Variants in SYTL1 observed in about 807,000 individuals in gnomAD.
SYTL1 encodes synaptotagmin like 1, also known as synaptotagmin-like protein 1.
SYTL1 carries 53 observed loss-of-function variants against 74.6 expected under a neutral mutation model. The ratio of observed to expected loss-of-function variants is 0.71; its 90% CI spans 0.57 to 0.89. The LOEUF (loss-of-function observed/expected upper bound fraction) is 0.89. Among genes scored for constraint, SYTL1 ranks in the 40% least tolerant of loss-of-function variants. SYTL1 has a pLI of 0.00. For missense variants in SYTL1, 728 were observed against 768.7 expected, an observed-to-expected ratio of 0.95 and a Z score of 0.63; for synonymous variants, 329 against 324.9, an observed-to-expected ratio of 1.01 and a Z score of -0.14.
rs771836299 is a variant in SYTL1, at chr1:27,347,120, C to G, written c.192-301C>G. ...CTGGGCATAGAGGGAGACTCCATCT[C>G]AAAATAATTAAGTAAATAAATAAAT... On this transcript the variant is annotated intron_variant, in intron 2 of 14. Coordinates refer to ENST00000616558, the MANE Select transcript of SYTL1 (RefSeq NM_001193308.2). The surrounding 1 kb of genome is among the most constrained non-coding windows in gnomAD (Gnocchi z 4.9). Among the ~76,000 whole-genome samples, 30 of 152,160 alleles carry G rather than the reference C, an allele frequency of 2.0e-4. No homozygotes were observed. Among genetic ancestry groups the G allele is most frequent in the Non-Finnish European group, 3.8e-4 (26 of 68,020 alleles).
At chr1:27,346,354 A>C (rs765986695) in intron 2 of SYTL1, among the ~76,000 whole-genome samples, 1 of 152,310 alleles carries the variant, frequency 6.6e-6, no homozygotes, top group East Asian at 1.9e-4. Flanking sequence ...GGGCGTTACA[A>C]GCAATGTTTG....
At chr1:27,346,876 G>C (rs2015023927) in intron 2 of SYTL1, among the ~76,000 whole-genome samples, 1 of 152,138 alleles carries the variant, frequency 6.6e-6, no homozygotes, top group Admixed American at 6.6e-5. Flanking sequence ...ACAACATTGT[G>C]GGAGGCTGAG....
intron 1 of SYTL1, among the ~76,000 whole-genome samples, chr1:27,344,350 G>T (rs959559446): frequency 1.3e-5 from 2 of 151,722 alleles, no homozygotes; most frequent in African/African-American, 4.8e-5. Flanking sequence ...TGATCTGCCC[G>T]CCTTGGCATC....
rs763243819 is a variant in SYTL1, at chr1:27,351,856, T to C, written c.1343+301T>C. 9.3e-6 allele frequency: 3 copies of C among 322,430 alleles called. No homozygotes were observed. The highest frequency in any genetic ancestry group is 2.2e-5 in the African/African-American group (1 of 46,172). The allele number at this position is 322,430 out of a possible 1,614,324, so 20.0% of individuals were successfully genotyped here. A position where few individuals can be genotyped will look rare whatever the true frequency, so the allele number is the denominator to read the frequency against. ...GCTGTGGGGCTTGGCTGGGAACTTA[T>C]AGTTCAGTGTAAGCTTCTAGGGGAC... On this transcript the variant is annotated intron_variant, in intron 13 of 14. Transcript: ENST00000616558. The surrounding 1 kb of genome is among the most constrained non-coding windows in gnomAD (Gnocchi z 5.0).
Position 27,347,455 on chromosome 1 carries a change from C to T in SYTL1, c.226C>T (p.Leu76=). 6.2e-7 allele frequency: 1 copy of T among 1,614,104 alleles called. No homozygotes were observed. Among genetic ancestry groups the T allele is most frequent in the Admixed American group, 1.7e-5 (1 of 60,034 alleles). ...GGCCTCAGTGGCAGACCCTGGGCAG[C>T]TGAAGATCCTGACAGGGGACTGGTT... is the stretch of plus-strand genomic sequence containing the variant. ...LRASVADPGQ[L]KILTGDWFQE... is the part of the protein sequence containing the mutation. The change falls in exon 3 of 15, where the codon CTG becomes TTG. Residue 76 remains leucine, a synonymous_variant. Coordinates refer to ENST00000616558, the MANE Select transcript of SYTL1 (RefSeq NM_001193308.2). The surrounding 1 kb of genome is among the most constrained non-coding windows in gnomAD (Gnocchi z 4.9).
intron 2 of SYTL1, among the ~76,000 whole-genome samples, chr1:27,346,209 A>G (rs1002518939): frequency 5.3e-5 from 8 of 152,026 alleles, no homozygotes; most frequent in African/African-American, 1.9e-4. Flanking sequence ...CTCTTTCACC[A>G]TAACTCCGAC....
At position 27,342,571 on chromosome 1, in the gene SYTL1, AG is replaced by A. The variant is rs1342726193; in HGVS notation, c.-39+422del. Among the ~76,000 whole-genome samples the A allele has an allele frequency of 6.6e-6, 1 of 152,174 alleles. No homozygotes were observed. The highest frequency in any genetic ancestry group is 1.5e-5 in the Non-Finnish European group (1 of 68,028). On this transcript the variant is annotated intron_variant, in intron 1 of 14. Transcript: ENST00000616558. This position sits in a 1 kb window ranked among gnomAD's most constrained non-coding sequence, Gnocchi z 4.7. ...CCCAAGGCACCAGGGGACACCCCAC[AG>A]CACACAGCCCAGTCACACATACAGC...
Position 27,345,481 on chromosome 1 carries a change from C to T in SYTL1, c.147C>T (p.Leu49=), listed in dbSNP as rs1571030107. 1.9e-6 allele frequency: 3 copies of T among 1,560,068 alleles called. No homozygotes were observed. ...EEEQEAIAGV[L]QRDARLRQLE... is the part of the protein sequence containing the mutation. ...AGCAGGAGGCCATTGCTGGCGTCCTCCAACGAGATGCCCGCCTGCGCCAGC... is the reference window on the plus strand; with the variant it reads ...AGCAGGAGGCCATTGCTGGCGTCCTTCAACGAGATGCCCGCCTGCGCCAGC... Residue 49 remains leucine (L), a synonymous_variant, in exon 2 of 15, where the codon CTC becomes CTT. Coordinates refer to ENST00000616558, the MANE Select transcript of SYTL1 (RefSeq NM_001193308.2). This position sits in a 1 kb window ranked among gnomAD's most constrained non-coding sequence, Gnocchi z 6.0.
At chr1:27,353,594 C>T (rs3813797) in intron 14 of SYTL1, 106 bp downstream of exon 14, 5 of 1,534,982 alleles carry the variant, frequency 3.3e-6, no homozygotes, top group Admixed American at 1.8e-5. Context: ...GCTTTGATAT[C>T]TACTGAGAAC....
chr1:27,351,060 C>A lies in SYTL1; in HGVS notation c.1164+108C>A. On this transcript the variant is annotated intron_variant, in intron 11 of 14. Transcript: ENST00000616558. This position sits in a 1 kb window ranked among gnomAD's most constrained non-coding sequence, Gnocchi z 5.0. Reference sequence around the variant, plus strand: ...CACCCCGCCTTCGACAGAACCTCCCCTCAACCTCTTAACCTCATGGCCCCA... The same window carrying A: ...CACCCCGCCTTCGACAGAACCTCCCATCAACCTCTTAACCTCATGGCCCCA... The A allele has an allele frequency of 7.1e-7, 1 of 1,416,948 alleles. No homozygotes were observed. Among genetic ancestry groups the A allele is most frequent in the South Asian group, 1.3e-5 (1 of 79,098 alleles). The allele number at this position is 1,416,948 out of a possible 1,614,324, so 87.8% of individuals were successfully genotyped here. A position where few individuals can be genotyped will look rare whatever the true frequency, so the allele number is the denominator to read the frequency against.
chr1:27,351,018 C>G lies in SYTL1; in HGVS notation c.1164+66C>G. The stretch of plus-strand genomic sequence containing the variant: ...TCTCCTGCATTTACCCCACCAGGCT[C>G]TCCCGCAGCCCCCTCACACCCCGCC... On this transcript the variant is annotated intron_variant, in intron 11 of 14. Transcript: ENST00000616558. This position sits in a 1 kb window ranked among gnomAD's most constrained non-coding sequence, Gnocchi z 5.0. The G allele has an allele frequency of 1.3e-6, 2 of 1,569,482 alleles. No individual in the cohort carries two copies. Among genetic ancestry groups the G allele is most frequent in the Non-Finnish European group, 1.7e-6 (2 of 1,150,840 alleles).
chr1:27,347,578 AGAT>A lies in SYTL1; in HGVS notation c.340+10_340+12del. The A allele has an allele frequency of 1.2e-6, 2 of 1,613,452 alleles. No homozygotes were observed. Among genetic ancestry groups the A allele is most frequent in the South Asian group, 2.2e-5 (2 of 91,040 alleles). On this transcript the variant is annotated intron_variant, in intron 3 of 14. Transcript: ENST00000616558. This position sits in a 1 kb window ranked among gnomAD's most constrained non-coding sequence, Gnocchi z 4.9. ...GAAGAAGAGCACCAGGGGTGAGAGGAGATCCTCGGGGCAGGGCAAGCCATGTGC... is the reference window on the plus strand; with the variant it reads ...GAAGAAGAGCACCAGGGGTGAGAGGACCTCGGGGCAGGGCAAGCCATGTGC...
chr1:27,350,206 C>A lies in SYTL1; in HGVS notation c.908+74C>A, dbSNP rs778061515. The A allele has an allele frequency of 1.8e-5, 27 of 1,474,706 alleles. No homozygotes were observed. The African/African-American group carries it at 3.1e-4, about 17-fold the overall frequency. The allele number at this position is 1,474,706 out of a possible 1,614,324, so 91.4% of individuals were successfully genotyped here. A position where few individuals can be genotyped will look rare whatever the true frequency, so the allele number is the denominator to read the frequency against. On this transcript the variant is annotated intron_variant, in intron 9 of 14. Coordinates refer to ENST00000616558, the MANE Select transcript of SYTL1 (RefSeq NM_001193308.2). This position sits in a 1 kb window ranked among gnomAD's most constrained non-coding sequence, Gnocchi z 6.3. The stretch of plus-strand genomic sequence containing the variant: ...ACCATTCACAGGGTCTCGGCCTCCT[C>A]GTCCTCATCTTCAAAATGGGAACAA...
rs1171697042 is a variant in SYTL1, at chr1:27,351,525, G to T, written c.1313G>T (p.Arg438Leu). 3 of 1,548,000 alleles carry T rather than the reference G, an allele frequency of 1.9e-6. No individual in the cohort carries two copies. Among genetic ancestry groups the T allele is most frequent in the African/African-American group, 1.4e-5 (1 of 72,952 alleles). The change falls in exon 13 of 15, where the codon CGG (arginine) becomes CTG (leucine). Residue 438 changes from arginine to leucine, a missense_variant. Arg to Leu is a moderately radical substitution (Grantham distance 102). Coordinates refer to ENST00000616558, the MANE Select transcript of SYTL1 (RefSeq NM_001193308.2). The surrounding 1 kb of genome is among the most constrained non-coding windows in gnomAD (Gnocchi z 5.0). The part of the protein sequence containing the change: ...VKEARDLLPL[R>L]AGSLDTYVQC... ...GAGGCTCGGGACCTCCTGCCGCTGC[G>T]GGCAGGATCCCTGGACACTTACGTA...
In SYTL1 at chr1:27,349,752, T is replaced by G. The variant is rs775483784; in HGVS notation, c.734T>G (p.Leu245Arg). ...MLSSSSSVSS[L>R]NSSTLSGSQM... is the part of the protein sequence containing the mutation. ...AGCAGCAGCTCCTCGGTGTCCAGCC[T>G]TAACTCCTCCACGGTGAGGCGGGAG... The change falls in exon 8 of 15, where the codon CTT becomes CGT. Residue 245 changes from leucine (L) to arginine (R), a missense_variant. Coordinates refer to ENST00000616558, the MANE Select transcript of SYTL1 (RefSeq NM_001193308.2). The G allele has an allele frequency of 6.2e-7, 1 of 1,604,040 alleles. No individual in the cohort carries two copies. The highest frequency in any genetic ancestry group is 8.5e-7 in the Non-Finnish European group (1 of 1,178,438).
Position 27,351,247 on chromosome 1 carries a change from G to A in SYTL1, c.1165-11G>A. On this transcript the variant is annotated splice_polypyrimidine_tract_variant and intron_variant, in intron 11 of 14. Coordinates refer to ENST00000616558, the MANE Select transcript of SYTL1 (RefSeq NM_001193308.2). The surrounding 1 kb of genome is among the most constrained non-coding windows in gnomAD (Gnocchi z 5.0). ...TTAGCCCCTGCTCCACGATAAGCCC[G>A]CCTCTCGCAGGTCCCACCCTCTCCC... The A allele has an allele frequency of 6.4e-7, 1 of 1,553,480 alleles. No homozygotes were observed. The highest frequency in any genetic ancestry group is 8.7e-7 in the Non-Finnish European group (1 of 1,149,668).
chr1:27,351,393 G>A lies in SYTL1; in HGVS notation c.1243+57G>A. On this transcript the variant is annotated intron_variant, in intron 12 of 14. Transcript: ENST00000616558. The surrounding 1 kb of genome is among the most constrained non-coding windows in gnomAD (Gnocchi z 5.0). ...ACGCCCTGAAAAGCGGGAGACTCCA[G>A]TCCCCGGGTTTGGGGGCGGTGGACT... The A allele has an allele frequency of 2.0e-6, 3 of 1,508,228 alleles. No homozygotes were observed. Among genetic ancestry groups the A allele is most frequent in the Middle Eastern group, 1.8e-4 (1 of 5,702 alleles). 93.4% of individuals were successfully genotyped at this position (1,508,228 alleles called of 1,614,324 possible). A position where few individuals can be genotyped will look rare whatever the true frequency, so the allele number is the denominator to read the frequency against.
Position 27,353,693 on chromosome 1 carries a change from C to G in SYTL1, c.1550-20C>G. 6.2e-7 allele frequency: 1 copy of G among 1,607,636 alleles called. No homozygotes were observed. The highest frequency in any genetic ancestry group is 8.5e-7 in the Non-Finnish European group (1 of 1,176,138). ...TGTCCAGTGTGATCATGCCCTCAAC[C>G]CCTGCCCACCCACATCCAGGCAGCA... On this transcript the variant is annotated intron_variant, in intron 14 of 14. Coordinates refer to ENST00000616558, the MANE Select transcript of SYTL1 (RefSeq NM_001193308.2).
chr1:27,349,204 C>A, intron 6 of SYTL1, 52 bp downstream of exon 6: 1 of 1,583,732 alleles, frequency 6.3e-7, no homozygotes. Flanking sequence ...GGGTCAGAGG[C>A]AGCTCTAAGG....
Sources: allele counts gnomAD v4.1 joint callset (sites outside exome capture counted in the v4.1 genomes callset), GRCh38; gene constraint gnomAD v4.1.1; non-coding constraint Gnocchi (gnomAD v3.1); transcripts MANE v1.5; gene names NCBI Gene and HGNC (gene_info 2026-07-23, HGNC 2026-07-21).